Variants in LPGAT1 observed in about 807,000 individuals in gnomAD.
LPGAT1 encodes acyl-CoA:lysophosphatidylglycerol acyltransferase 1.
A neutral mutation model predicts 47.5 loss-of-function variants in LPGAT1; 11 were observed. The ratio of observed to expected loss-of-function variants is 0.23; its 90% CI spans 0.15 to 0.38. LPGAT1 has a LOEUF of 0.38. LPGAT1 is among the 10% of genes least tolerant of loss of function. The pLI is 1.00. For synonymous variants in LPGAT1, 138 were observed against 144.2 expected (o/e 0.96, Z 0.31); for missense variants, 293 against 439.0 (o/e 0.67, Z 2.97).
chr1:211,819,992 A>G (rs1427069114), intron 2 of LPGAT1, among the ~76,000 whole-genome samples: 2 of 152,136 alleles, frequency 1.3e-5, no homozygotes, highest in Admixed American at 6.5e-5. Flanking sequence ...CTCAAAAAAA[A>G]AAAGGCAGGC....
intron 2 of LPGAT1, among the ~76,000 whole-genome samples, chr1:211,816,696 A>G (rs759090623): frequency 4.2e-4 from 64 of 152,196 alleles, no homozygotes; most frequent in Admixed American, 2.2e-3. Context: ...TAATGAAATT[A>G]TCATTTATAG....
chr1:211,760,463 C>T (rs1657650317), intron 6 of LPGAT1, among the ~76,000 whole-genome samples: 1 of 152,048 alleles, frequency 6.6e-6, no homozygotes, highest in Non-Finnish European at 1.5e-5. Context: ...CCCCCCAACC[C>T]CCCTCAAAAA....
At chr1:211,779,220 A>G (rs1312389207) in intron 5 of LPGAT1, among the ~76,000 whole-genome samples, 176 bp from the exon 6 acceptor site, 1 of 152,216 alleles carries the variant, frequency 6.6e-6, no homozygotes, top group Non-Finnish European at 1.5e-5. Flanking sequence ...GAAATTAAGG[A>G]TTACTTATGT....
At chr1:211,827,793 T>C (rs185773977) in intron 2 of LPGAT1, among the ~76,000 whole-genome samples, 37 of 152,174 alleles carry the variant, frequency 2.4e-4, no homozygotes, top group East Asian at 2.3e-3. Context: ...CCAAAAAGCA[T>C]TGGAATCTCA....
chr1:211,783,351 T>C lies in LPGAT1; in HGVS notation c.605A>G (p.Asn202Ser), dbSNP rs760075595. 1 of 1,614,084 alleles carries C rather than the reference T, an allele frequency of 6.2e-7. No individual in the cohort carries two copies. Among genetic ancestry groups the C allele is most frequent in the African/African-American group, 1.3e-5 (1 of 74,924 alleles). Residue 202 changes from asparagine to serine, a missense_variant, in exon 5 of 8, where the codon AAT becomes AGT. Physicochemically the swap from Asn to Ser is conservative, Grantham distance 46. Coordinates refer to ENST00000366997, the MANE Select transcript of LPGAT1 (RefSeq NM_014873.3). ...RETSQAFAKK[N>S]NLPFLTNVTL... ...AACATTTGTAAGAAATGGCAAGTTATTTTTCTTGGCAAATGCCTGACTTGT... is the reference window on the plus strand; with the variant it reads ...AACATTTGTAAGAAATGGCAAGTTACTTTTCTTGGCAAATGCCTGACTTGT...
chr1:211,815,801 C>G lies in LPGAT1; in HGVS notation c.238+13258G>C, dbSNP rs552793125. On this transcript the variant is annotated intron_variant, in intron 2 of 7. Transcript: ENST00000366997. ...TTTTTTTTTTTTTTTTTTTTTGAGA[C>G]TGAGTCTTGCTCTGTCACCCAGGCT... 1.3e-4 allele frequency among the ~76,000 whole-genome samples: 15 copies of G among 114,242 alleles called. No individual in the cohort carries two copies. The East Asian group carries it at 4.3e-3, about 33-fold the overall frequency. The allele number at this position is 114,242 out of a possible 152,430, so 74.9% of individuals were successfully genotyped here. A position where few individuals can be genotyped will look rare whatever the true frequency, so the allele number is the denominator to read the frequency against.
At chr1:211,764,724 G>A (rs2050953) in intron 6 of LPGAT1, among the ~76,000 whole-genome samples, 148,611 of 152,332 alleles carry the variant, frequency 0.98, 72,506 homozygotes, top group East Asian at 1. Context: ...ACTCAAATAT[G>A]AACTTTTACC....
chr1:211,801,162 C>T (rs984800504), intron 2 of LPGAT1, among the ~76,000 whole-genome samples: 18 of 152,170 alleles, frequency 1.2e-4, no homozygotes, highest in Non-Finnish European at 2.4e-4. Context: ...ATCCCCACTT[C>T]CAGCTTGAAA....
intron 2 of LPGAT1, among the ~76,000 whole-genome samples, chr1:211,805,844 C>CA (rs2102578095): frequency 6.6e-6 from 1 of 152,266 alleles, no homozygotes; most frequent in East Asian, 1.9e-4. Context: ...CAAACAAAAG[C>CA]TACAGACTAA....
chr1:211,773,303 A>G lies in LPGAT1; in HGVS notation c.854+5615T>C, dbSNP rs1007793955. On this transcript the variant is annotated intron_variant, in intron 6 of 7. Coordinates refer to ENST00000366997, the MANE Select transcript of LPGAT1 (RefSeq NM_014873.3). ...CTTTTATCAATTACAAATACCCTAA[A>G]GCAAATATGTCAAAATGTTAATGTT... Among the ~76,000 whole-genome samples the G allele has an allele frequency of 2.6e-5, 4 of 152,308 alleles. 1 individual carries two copies. The highest frequency in any genetic ancestry group is 4.1e-4 in the South Asian group (2 of 4,826).
rs1419467952 is a variant in LPGAT1, at chr1:211,829,538, C to T, written c.-27-215G>A. On this transcript the variant is annotated intron_variant, in intron 1 of 7. Transcript: ENST00000366997. ...AGGTCAAGGGAGCTGTTCACCGAGG[C>T]ACGAAGTATGTCACAATATATTTAG... The T allele has an allele frequency of 2.9e-6, 4 of 1,401,076 alleles. No individual in the cohort carries two copies. In the African/African-American group the frequency reaches 4.3e-5, roughly 15 times the overall value. 86.8% of individuals were successfully genotyped at this position (1,401,076 alleles called of 1,614,324 possible). A position where few individuals can be genotyped will look rare whatever the true frequency, so the allele number is the denominator to read the frequency against.
chr1:211,798,823 G>C (rs969654886), intron 2 of LPGAT1, among the ~76,000 whole-genome samples: 2 of 152,236 alleles, frequency 1.3e-5, no homozygotes, highest in African/African-American at 4.8e-5. Flanking sequence ...ATTCATCCAA[G>C]GGAGGGTGTT....
At chr1:211,805,406 G>A (rs772769331) in intron 2 of LPGAT1, among the ~76,000 whole-genome samples, 13 of 152,314 alleles carry the variant, frequency 8.5e-5, no homozygotes, top group African/African-American at 1.2e-4. Context: ...TACTAAAAGT[G>A]AAAGACAGAA....
Position 211,829,231 on chromosome 1 carries a change from A to C in LPGAT1, c.66T>G (p.Phe22Leu). 1 of 1,614,254 alleles carries C rather than the reference A, an allele frequency of 6.2e-7. No individual in the cohort carries two copies. Among genetic ancestry groups the C allele is most frequent in the Non-Finnish European group, 8.5e-7 (1 of 1,180,046 alleles). ...CCAGGTTGTTGACGACCATGAAGGC[A>C]AACCTCATCAGTGCTTTCACCAAGA... ...GWLLVKALMRFAFMVVNNLVA... is the reference protein window; with the variant it reads ...GWLLVKALMRLAFMVVNNLVA... Residue 22 changes from phenylalanine to leucine, a missense_variant, in exon 2 of 8, where the codon TTT (phenylalanine) becomes TTG (leucine). Physicochemically the swap from Phe to Leu is conservative, Grantham distance 22 (BLOSUM62 0). Coordinates refer to ENST00000366997, the MANE Select transcript of LPGAT1 (RefSeq NM_014873.3).
Position 211,749,950 on chromosome 1 carries a change from T to C in LPGAT1, c.1062A>G (p.Ser354=), listed in dbSNP as rs1158373404. ...IFLIQSFAFL[S]GYMWYNIIQY... ...GAATGATGTTGTACCACATATAGCCTGACAAAAATGCAAAAGACTGTATGA... is the reference window on the plus strand; with the variant it reads ...GAATGATGTTGTACCACATATAGCCCGACAAAAATGCAAAAGACTGTATGA... The change falls in exon 8 of 8, where the codon TCA becomes TCG. Residue 354 remains serine (S), a synonymous_variant. Coordinates refer to ENST00000366997, the MANE Select transcript of LPGAT1 (RefSeq NM_014873.3). The C allele has an allele frequency of 2.5e-6, 4 of 1,614,080 alleles. No homozygotes were observed. The Admixed American group carries it at 6.7e-5, about 27-fold the overall frequency.
Position 211,745,480 on chromosome 1 carries a change from T to C in LPGAT1, c.*4419A>G, listed in dbSNP as rs1405409206. On this transcript the variant is annotated 3_prime_UTR_variant, in exon 8 of 8. Transcript: ENST00000366997. ...GTTCAACAGTTTTACACAATAAAAA[T>C]AAAGCCATTCAAGATATGTGTGCAT... The C allele has an allele frequency of 6.6e-6, 1 of 152,160 alleles. No homozygotes were observed. The highest frequency in any genetic ancestry group is 2.4e-5 in the African/African-American group (1 of 41,454). The allele number at this position is 152,160 out of a possible 1,614,324, so 9.4% of individuals were successfully genotyped here. A position where few individuals can be genotyped will look rare whatever the true frequency, so the allele number is the denominator to read the frequency against.
At chr1:211,791,410 A>G (rs1391142888) in intron 3 of LPGAT1, among the ~76,000 whole-genome samples, 1 of 152,120 alleles carries the variant, frequency 6.6e-6, no homozygotes, top group African/African-American at 2.4e-5. Flanking sequence ...TTCTATGTCC[A>G]TGAGGTACAC....
chr1:211,774,898 C>T (rs952731209), intron 6 of LPGAT1, among the ~76,000 whole-genome samples: 10 of 151,950 alleles, frequency 6.6e-5, no homozygotes, highest in Admixed American at 4.6e-4. Context: ...ACAGAAATTT[C>T]GAATCAAGAA....
At chr1:211,765,547 A>C (rs1386162137) in intron 6 of LPGAT1, among the ~76,000 whole-genome samples, 4 of 152,230 alleles carry the variant, frequency 2.6e-5, no homozygotes, top group Non-Finnish European at 5.9e-5. Context: ...AATAAGAGGT[A>C]TTTTTGGAAT....
Sources: gnomAD v4.1 joint callset for allele counts (sites outside exome capture counted in the v4.1 genomes callset) on GRCh38, gnomAD v4.1.1 for gene constraint, MANE v1.5 for transcripts, NCBI Gene and HGNC (gene_info 2026-07-23, HGNC 2026-07-21) for gene names.